The following LRRC56 variants were observed in gnomAD, a reference collection of about 807,000 sequenced individuals.
LRRC56 encodes the protein leucine-rich repeat-containing protein 56.
In LRRC56, 41 loss-of-function variants were observed where a neutral mutation model predicts 47.8. The ratio of observed to expected loss-of-function variants is 0.86; its 90% CI spans 0.67 to 1.11. The LOEUF (loss-of-function observed/expected upper bound fraction) is 1.11, where lower values mean the gene tolerates loss of function less well. LRRC56 is among the 50% of genes most tolerant of loss of function. The pLI, the probability that LRRC56 is intolerant of heterozygous loss-of-function variation, is 0.00. For synonymous variants in LRRC56, 387 were observed against 311.2 expected (o/e 1.24, Z -2.56); for missense variants, 759 against 704.2 (o/e 1.08, Z -0.88).
Position 552,692 on chromosome 11 carries a change from C to T in LRRC56, c.1305C>T (p.Ser435=), listed in dbSNP as rs766297407. 3 of 1,606,516 alleles carry T rather than the reference C, an allele frequency of 1.9e-6. No homozygotes were observed. In the South Asian group the frequency reaches 3.3e-5, roughly 18 times the overall value. Reference sequence around the variant, plus strand: ...CCAAGACTCCCTCCAGCCCCCCAAGCCTGGCCTCAGGTACTGAGCCTGCCC... The same window carrying T: ...CCAAGACTCCCTCCAGCCCCCCAAGTCTGGCCTCAGGTACTGAGCCTGCCC... ...AEPKTPSSPP[S]LASEPSGTSS... The change falls in exon 13 of 14, where the codon AGC becomes AGT. Residue 435 remains serine (S), a synonymous_variant. Coordinates refer to ENST00000270115, the MANE Select transcript of LRRC56 (RefSeq NM_198075.4).
rs193048796 is a variant in LRRC56 at position 553,267 on chromosome 11, C to T, written c.1315+565C>T. On this transcript the variant is annotated intron_variant, in intron 13 of 13. Coordinates refer to ENST00000270115, the MANE Select transcript of LRRC56 (RefSeq NM_198075.4). ...CAAAGCAGAGAGGACCCTCCCTCAG[C>T]GGGCAGGCAGGCCGGGCAGGGGGCA... is the stretch of plus-strand genomic sequence containing the variant. Among the ~76,000 whole-genome samples, 406 of 152,160 alleles carry T rather than the reference C, an allele frequency of 2.7e-3. 4 individuals carry two copies. Among genetic ancestry groups the T allele is most frequent in the African/African-American group, 7.6e-3 (316 of 41,568 alleles).
In LRRC56 at chr11:554,902, G is replaced by T; in HGVS notation, c.*626G>T. On this transcript the variant is annotated 3_prime_UTR_variant, in exon 14 of 14. Coordinates refer to ENST00000270115, the MANE Select transcript of LRRC56 (RefSeq NM_198075.4). ...TGTAGGCCACGTTGGTTCAATAAAT[G>T]ATGCAGCGGACACAGCCCGCCCAGC... is the stretch of plus-strand genomic sequence containing the variant. 2.0e-6 allele frequency: 2 copies of T among 1,019,788 alleles called. No homozygotes were observed. The highest frequency in any genetic ancestry group is 1.4e-6 in the Non-Finnish European group (1 of 737,132). 63.2% of individuals were successfully genotyped at this position (1,019,788 alleles called of 1,614,324 possible).
At chr11:509,371 G>A in the LRRC56 span, among the ~76,000 whole-genome samples, 5 of 152,162 alleles carry the variant, frequency 3.3e-5, no homozygotes, top group Non-Finnish European at 7.3e-5. Flanking sequence ...TTTGTTCGTG[G>A]CAATTCTCAT....
the LRRC56 span, among the ~76,000 whole-genome samples, chr11:511,805 C>T: frequency 0.22 from 33,253 of 152,166 alleles, 3,855 homozygotes; most frequent in Middle Eastern, 0.3. Flanking sequence ...CCCTGTCAGA[C>T]ACTGAGCTAG....
At chr11:528,518 A>T in the LRRC56 span, 1 of 152,318 alleles carries the variant, frequency 6.6e-6, no homozygotes, top group African/African-American at 2.4e-5. Flanking sequence ...GGTGAGACAG[A>T]GGGACACTGA....
chr11:521,902 A>G, the LRRC56 span, among the ~76,000 whole-genome samples: 1 of 142,158 alleles, frequency 7.0e-6, no homozygotes, highest in Non-Finnish European at 1.5e-5. Context: ...ATGACAGAGC[A>G]AGACTCCGTC....
chr11:549,560 G>A (rs1413221468), intron 6 of LRRC56, among the ~76,000 whole-genome samples: 1 of 152,226 alleles, frequency 6.6e-6, no homozygotes, highest in Non-Finnish European at 1.5e-5. Context: ...CCAAATTCGA[G>A]TGCCCCAAAC....
the LRRC56 span, chr11:532,103 C>G: frequency 4.5e-6 from 1 of 223,202 alleles, no homozygotes; most frequent in Non-Finnish European, 9.1e-6. Flanking sequence ...GCACCACAGC[C>G]CAGACCCCTG....
chr11:554,187 G>A lies in LRRC56; in HGVS notation c.1540G>A (p.Gly514Arg). The part of the protein sequence containing the change: ...VASRLSPRAQ[G>R]CPGPKPAPDA... The stretch of plus-strand genomic sequence containing the variant: ...CTCACGCCTGAGCCCTCGAGCCCAG[G>A]GATGTCCTGGCCCAAAGCCAGCACC... Residue 514 changes from glycine to arginine, a missense_variant, in exon 14 of 14, where the codon GGA (glycine) becomes AGA (arginine). Coordinates refer to ENST00000270115, the MANE Select transcript of LRRC56 (RefSeq NM_198075.4). The A allele has an allele frequency of 6.4e-7, 1 of 1,566,588 alleles. No homozygotes were observed. Among genetic ancestry groups the A allele is most frequent in the South Asian group, 1.2e-5 (1 of 86,550 alleles).
At chr11:552,273 C>A in intron 12 of LRRC56, 41 bp downstream of exon 12, 1 of 1,576,160 alleles carries the variant, frequency 6.3e-7, no homozygotes, top group Admixed American at 1.8e-5. Context: ...GTGTCCTGTC[C>A]CGTGGGGAAA....
rs1852645536 is a variant in LRRC56 at position 554,483 on chromosome 11, G to T, written c.*207G>T. 1 of 458,180 alleles carries T rather than the reference G, an allele frequency of 2.2e-6. No homozygotes were observed. Among genetic ancestry groups the T allele is most frequent in the Non-Finnish European group, 3.7e-6 (1 of 266,996 alleles). 28.4% of individuals were successfully genotyped at this position (458,180 alleles called of 1,614,324 possible). A position where few individuals can be genotyped will look rare whatever the true frequency, so the allele number is the denominator to read the frequency against. ...GGAACCCAGTTTAGGCCCCCAACTG[G>T]GTTTGGCCTGGGGAGGGAGGGTCCG... On this transcript the variant is annotated 3_prime_UTR_variant, in exon 14 of 14. Transcript: ENST00000270115.
At position 552,560 on chromosome 11, in the gene LRRC56, C is replaced by T. The variant is rs1331163280; in HGVS notation, c.1182-9C>T. Reference sequence around the variant, plus strand: ...AGGGCTGGAGCTTCTCCTCCTCTCCCCACCCTAGCCCCCTCCCCTATAGGC... The same window carrying T: ...AGGGCTGGAGCTTCTCCTCCTCTCCTCACCCTAGCCCCCTCCCCTATAGGC... On this transcript the variant is annotated splice_polypyrimidine_tract_variant and intron_variant, in intron 12 of 13. Coordinates refer to ENST00000270115, the MANE Select transcript of LRRC56 (RefSeq NM_198075.4). 2 of 1,594,256 alleles carry T rather than the reference C, an allele frequency of 1.3e-6. No homozygotes were observed. Among genetic ancestry groups the T allele is most frequent in the African/African-American group, 2.7e-5 (2 of 74,436 alleles).
the LRRC56 span, among the ~76,000 whole-genome samples, chr11:528,169 ATGG>A: frequency 1.3e-5 from 2 of 152,148 alleles, no homozygotes; most frequent in Non-Finnish European, 1.5e-5. Flanking sequence ...GCCTCCCTGG[ATGG>A]ATGTTGGGAG....
chr11:530,438 CAGAAGGGCAAGTGTGGCGTCCCCTGGAG>C, the LRRC56 span, among the ~76,000 whole-genome samples: 55 of 136,446 alleles, frequency 4.0e-4, no homozygotes, highest in African/African-American at 1.1e-3. Flanking sequence ...ATTCCCTGGA[CAGAAGGGCAAGTGTGGCGTCCCCTGGAG>C]AGAAGGGCGA....
chr11:551,428 C>T (rs1308494281), intron 9 of LRRC56, 126 bp downstream of exon 9: 23 of 802,450 alleles, frequency 2.9e-5, no homozygotes, highest in Non-Finnish European at 4.1e-5. Context: ...TGACCCCGGT[C>T]CCCAGAGCTG....
chr11:533,813 C>T (rs2133990247), upstream of LRRC56: 1 of 1,613,402 alleles, frequency 6.2e-7, no homozygotes. Context: ...TGATGGCAAA[C>T]ACACACAGGA....
chr11:543,842 G>A (rs1336853084), intron 5 of LRRC56, among the ~76,000 whole-genome samples: 1 of 152,064 alleles, frequency 6.6e-6, no homozygotes, highest in Non-Finnish European at 1.5e-5. Context: ...TCCACCTCCC[G>A]GGTTCACGCC....
the LRRC56 span, chr11:506,930 C>G: frequency 9.8e-5 from 15 of 152,384 alleles, no homozygotes; most frequent in African/African-American, 3.4e-4. Context: ...CCAGCGCAAC[C>G]TCGGCCCCGC....
chr11:545,139 G>T (rs1852005223), intron 6 of LRRC56, among the ~76,000 whole-genome samples: 1 of 152,198 alleles, frequency 6.6e-6, no homozygotes, highest in Admixed American at 6.5e-5. Flanking sequence ...CCTACACATG[G>T]AGCTCTTGTG....
Sources: allele counts gnomAD v4.1 joint callset (sites outside exome capture counted in the v4.1 genomes callset), GRCh38; gene constraint gnomAD v4.1.1; transcripts MANE v1.5; gene names NCBI Gene and HGNC (gene_info 2026-07-23, HGNC 2026-07-21).